ROBO1: variants seen among roughly 807,000 people sequenced by gnomAD.
The protein encoded by ROBO1 is roundabout homolog 1.
In ROBO1, 149 loss-of-function variants were observed where a neutral mutation model predicts 195.9. The ratio of observed to expected loss-of-function variants is 0.76; its 90% confidence interval spans 0.67 to 0.87. The LOEUF is 0.87. ROBO1 is among the 40% of genes least tolerant of loss of function. The pLI, the probability that ROBO1 is intolerant of heterozygous loss-of-function variation, is 0.00. For missense variants in ROBO1, 1,933 were observed against 2,068.3 expected (o/e 0.93, Z 1.27); for synonymous variants, 816 against 733.2 (o/e 1.11, Z -1.82).
chr3:79,084,906 A>G (rs2079340558), intron 3 of ROBO1, among the ~76,000 whole-genome samples: 1 of 152,170 alleles, frequency 6.6e-6, no homozygotes, highest in South Asian at 2.1e-4. Flanking sequence ...ATTTTCTAAT[A>G]AGAGAAAAAA....
chr3:78,962,779 G>A (rs921983807), intron 3 of ROBO1, among the ~76,000 whole-genome samples: 3 of 136,140 alleles, frequency 2.2e-5, no homozygotes, highest in Admixed American at 1.6e-4. Context: ...AGCCGAGATC[G>A]CGCCACTGCA....
At chr3:79,515,351 T>C (rs1032218000) in intron 2 of ROBO1, among the ~76,000 whole-genome samples, 1 of 152,246 alleles carries the variant, frequency 6.6e-6, no homozygotes, top group Non-Finnish European at 1.5e-5. Context: ...AAGAATTTCC[T>C]ATTCTTACTA....
chr3:79,575,142 A>G (rs1943412650), intron 2 of ROBO1, among the ~76,000 whole-genome samples: 1 of 28,874 alleles, frequency 3.5e-5, no homozygotes, highest in African/African-American at 5.5e-4. Flanking sequence ...TATATAACAA[A>G]TATATAAATA....
intron 2 of ROBO1, among the ~76,000 whole-genome samples, chr3:79,491,158 T>C (rs1157259166): frequency 2.0e-5 from 3 of 151,732 alleles, no homozygotes; most frequent in Non-Finnish European, 4.4e-5. Context: ...TACCTGGTCC[T>C]AGACAGAGCA....
At chr3:79,487,243 G>C (rs1163349072) in intron 2 of ROBO1, among the ~76,000 whole-genome samples, 1 of 58,586 alleles carries the variant, frequency 1.7e-5, no homozygotes, top group Non-Finnish European at 3.6e-5. Flanking sequence ...TTGTTATAGA[G>C]GTCCCACCTG....
At chr3:79,621,686 A>C (rs537253441) in intron 1 of ROBO1, among the ~76,000 whole-genome samples, 1 of 152,204 alleles carries the variant, frequency 6.6e-6, no homozygotes, top group Non-Finnish European at 1.5e-5. Context: ...AGTGAAGAAG[A>C]AATAGTCTTT....
At chr3:79,087,034 GAT>G (rs988589276) in intron 3 of ROBO1, among the ~76,000 whole-genome samples, 1 of 151,858 alleles carries the variant, frequency 6.6e-6, no homozygotes, top group African/African-American at 2.4e-5. Context: ...AGCTGCTAGT[GAT>G]GTTATTAAAA....
chr3:78,711,361 TCCTTC>T (rs2081707320), intron 8 of ROBO1, among the ~76,000 whole-genome samples: 6 of 40,302 alleles, frequency 1.5e-4, no homozygotes, highest in African/African-American at 4.9e-4. Context: ...CTTCCTTCCT[TCCTTC>T]CTTCCTTCCT....
intron 17 of ROBO1, among the ~76,000 whole-genome samples, chr3:78,657,934 G>C (rs1707139595): frequency 6.6e-6 from 1 of 152,150 alleles, no homozygotes; most frequent in Non-Finnish European, 1.5e-5. Context: ...CTGGTACACT[G>C]AACTATATTA....
chr3:79,366,507 A>G (rs2035981126), intron 2 of ROBO1, among the ~76,000 whole-genome samples: 2 of 152,084 alleles, frequency 1.3e-5, no homozygotes, highest in Admixed American at 6.5e-5. Context: ...CTTCAGCTCC[A>G]TGTTAAAAGT....
At chr3:78,803,256 A>G (rs2084423391) in intron 4 of ROBO1, among the ~76,000 whole-genome samples, 2 of 152,152 alleles carry the variant, frequency 1.3e-5, no homozygotes, top group South Asian at 4.1e-4. Context: ...GTTGCTGTGA[A>G]GACTATATGA....
chr3:78,868,812 A>G (rs528656835), intron 4 of ROBO1, among the ~76,000 whole-genome samples: 6 of 152,346 alleles, frequency 3.9e-5, no homozygotes, highest in African/African-American at 1.2e-4. Flanking sequence ...CTAGTGAACA[A>G]AAGCTTAGAA....
At position 78,749,677 on chromosome 3, in the gene ROBO1, T is replaced by C. The variant is rs539823215; in HGVS notation, c.500-2777A>G. ...AAACTTTTAGTTAAACTGTCCAGTT[T>C]TCAAAATTCATGAGTACACTTAAGT... On this transcript the variant is annotated intron_variant, in intron 4 of 30. Coordinates refer to ENST00000464233, the MANE Select transcript of ROBO1 (RefSeq NM_002941.4). 5.9e-5 allele frequency among the ~76,000 whole-genome samples: 9 copies of C among 152,302 alleles called. No individual in the cohort carries two copies. The South Asian group carries it at 1.9e-3, about 32-fold the overall frequency.
intron 2 of ROBO1, among the ~76,000 whole-genome samples, chr3:79,213,104 CATGGTG>C (rs1164695145): frequency 4.6e-5 from 7 of 151,838 alleles, no homozygotes; most frequent in Non-Finnish European, 1.0e-4. Flanking sequence ...ATTAGCCGGG[CATGGTG>C]GCACATACCT....
At chr3:79,093,841 G>A (rs953698613) in intron 3 of ROBO1, among the ~76,000 whole-genome samples, 2 of 152,056 alleles carry the variant, frequency 1.3e-5, no homozygotes, top group Non-Finnish European at 2.9e-5. Flanking sequence ...GATTTAAGAA[G>A]TGGACAGAAA....
intron 2 of ROBO1, among the ~76,000 whole-genome samples, chr3:79,282,067 C>T (rs116971202): frequency 1.3e-5 from 2 of 152,088 alleles, no homozygotes; most frequent in East Asian, 3.9e-4. Context: ...TAGTGGTCTA[C>T]AGGTAGGGAC....
intron 1 of ROBO1, among the ~76,000 whole-genome samples, chr3:79,619,936 G>A (rs921667498): frequency 5.3e-5 from 8 of 152,136 alleles, no homozygotes; most frequent in Admixed American, 4.6e-4. Context: ...ATAGAGAACA[G>A]GCATCCAAGT....
chr3:79,671,336 G>T (rs1576208372), intron 1 of ROBO1, among the ~76,000 whole-genome samples: 1 of 151,838 alleles, frequency 6.6e-6, no homozygotes, highest in Admixed American at 6.6e-5. Flanking sequence ...TACTACAGAT[G>T]TAAGAGAGAA....
chr3:79,684,653 T>TG (rs1560098420), intron 1 of ROBO1, among the ~76,000 whole-genome samples: 4 of 151,022 alleles, frequency 2.6e-5, no homozygotes, highest in African/African-American at 9.7e-5. Flanking sequence ...ACTCCTGAAT[T>TG]ATGATGATGA....
Sources: gnomAD v4.1 joint callset for allele counts (sites outside exome capture counted in the v4.1 genomes callset) on GRCh38, gnomAD v4.1.1 for gene constraint, MANE v1.5 for transcripts, NCBI Gene and HGNC (gene_info 2026-07-23, HGNC 2026-07-21) for gene names.